ARHGEF12: variants seen among roughly 807,000 people sequenced by gnomAD.
The protein encoded by ARHGEF12 is Rho guanine nucleotide exchange factor 12, also known as KMT2A/ARHGEF12 fusion protein.
Under a neutral mutation model 211.2 loss-of-function variants are expected in ARHGEF12, and 66 were observed. The observed-to-expected ratio is 0.31, with a 90% confidence interval of 0.26 to 0.38. The LOEUF (loss-of-function observed/expected upper bound fraction) is 0.38, where lower values mean the gene tolerates loss of function less well. ARHGEF12 is among the 10% of genes least tolerant of loss of function. ARHGEF12 has a pLI of 1.00. For missense variants in ARHGEF12, 1,429 were observed against 1,869.5 expected (o/e 0.76, Z 4.34); for synonymous variants, 592 against 638.4 (o/e 0.93, Z 1.09).
chr11:120,381,445 C>A (rs958804737), intron 1 of ARHGEF12, among the ~76,000 whole-genome samples: 1 of 152,280 alleles, frequency 6.6e-6, no homozygotes, highest in African/African-American at 2.4e-5. Flanking sequence ...TACCCCATAC[C>A]CCATGAGTAC....
At chr11:120,475,235 TG>T (rs759093998) in intron 32 of ARHGEF12, 104 bp from the exon 33 acceptor site, 9 of 1,086,294 alleles carry the variant, frequency 8.3e-6, no homozygotes, top group Non-Finnish European at 1.2e-5. Flanking sequence ...TTTAAAATTT[TG>T]TAGCTTTAAC....
intron 1 of ARHGEF12, among the ~76,000 whole-genome samples, chr11:120,341,689 A>G (rs915413254): frequency 6.6e-6 from 1 of 152,212 alleles, no homozygotes; most frequent in African/African-American, 2.4e-5. Context: ...TGTTTCTTAT[A>G]TACTTGCTTG....
At chr11:120,445,358 G>T (rs1471029512) in intron 15 of ARHGEF12, 64 bp from the exon 16 acceptor site, 1 of 1,534,760 alleles carries the variant, frequency 6.5e-7, no homozygotes, top group Non-Finnish European at 9.0e-7. Context: ...CTTTACAGAA[G>T]TACTTATGTA....
chr11:120,354,680 GAGAGGT>G (rs1047100742), intron 1 of ARHGEF12, among the ~76,000 whole-genome samples: 4 of 152,242 alleles, frequency 2.6e-5, no homozygotes, highest in African/African-American at 9.6e-5. Flanking sequence ...AAATCTAGAA[GAGAGGT>G]AGGCAGATCA....
chr11:120,345,780 C>T (rs1356571378), intron 1 of ARHGEF12, among the ~76,000 whole-genome samples: 5 of 149,428 alleles, frequency 3.3e-5, no homozygotes, highest in South Asian at 2.1e-4. Context: ...TAGCCTTGGA[C>T]GTTAAAAAAA....
In ARHGEF12 at chr11:120,446,455, A is replaced by G. The variant is rs200508508; in HGVS notation, c.1398A>G (p.Gln466=). The change falls in exon 17 of 41, where the codon CAA becomes CAG. Residue 466 remains glutamine, a synonymous_variant. Transcript: ENST00000397843. ...AGGATCTGCATCGCCACTATATCCA[A>G]ACTATGCAAGAAAGAGTCCATCCAG... ...IPEDLHRHYI[Q]TMQERVHPEV... The G allele has an allele frequency of 9.3e-6, 15 of 1,613,378 alleles. No individual in the cohort carries two copies. The highest frequency in any genetic ancestry group is 1.1e-5 in the South Asian group (1 of 90,954).
At chr11:120,482,931 C>T (rs921988505) in intron 39 of ARHGEF12, among the ~76,000 whole-genome samples, 1 of 152,032 alleles carries the variant, frequency 6.6e-6, no homozygotes, top group South Asian at 2.1e-4. Context: ...CTTCATGTTA[C>T]TTATTTTATG....
At chr11:120,420,636 C>T (rs998925004) in intron 4 of ARHGEF12, 117 bp from the exon 5 acceptor site, 19 of 762,694 alleles carry the variant, frequency 2.5e-5, no homozygotes, top group Non-Finnish European at 4.0e-5. Flanking sequence ...TGTGGATTTA[C>T]ATGTGCTACT....
intron 1 of ARHGEF12, among the ~76,000 whole-genome samples, chr11:120,369,254 G>T (rs552356227): frequency 5.4e-5 from 8 of 149,468 alleles, no homozygotes; most frequent in Admixed American, 1.3e-4. Context: ...TCAGCCTCCC[G>T]AGTAGCTGGG....
At chr11:120,365,693 A>T (rs190944729) in intron 1 of ARHGEF12, 8 of 152,336 alleles carry the variant, frequency 5.3e-5, no homozygotes. Context: ...TGTTTCTGAC[A>T]TCTGTCACCC....
intron 1 of ARHGEF12, among the ~76,000 whole-genome samples, chr11:120,367,848 T>C (rs1943472196): frequency 6.6e-6 from 1 of 152,118 alleles, no homozygotes; most frequent in Non-Finnish European, 1.5e-5. Context: ...GGCACACACC[T>C]GTAGTTCCAG....
intron 1 of ARHGEF12, among the ~76,000 whole-genome samples, chr11:120,355,188 T>C (rs961643428): frequency 2.6e-5 from 4 of 152,226 alleles, no homozygotes; most frequent in African/African-American, 9.6e-5. Context: ...TGACAAACAT[T>C]TGCCCATGCT....
chr11:120,396,500 T>C (rs1301036722), intron 1 of ARHGEF12, among the ~76,000 whole-genome samples: 1 of 152,190 alleles, frequency 6.6e-6, no homozygotes, highest in Non-Finnish European at 1.5e-5. Flanking sequence ...TCATATATCC[T>C]CTGATGGGTG....
chr11:120,405,837 TAA>T (rs1944687605), intron 1 of ARHGEF12: 2 of 285,376 alleles, frequency 7.0e-6, no homozygotes, highest in Non-Finnish European at 6.4e-6. Flanking sequence ...AAGCCCTTTA[TAA>T]ATTTAGCAAT....
At position 120,474,544 on chromosome 11, in the gene ARHGEF12, T is replaced by G. The variant is rs200273628; in HGVS notation, c.3034-16T>G. On this transcript the variant is annotated splice_polypyrimidine_tract_variant and intron_variant, in intron 31 of 40. Coordinates refer to ENST00000397843, the MANE Select transcript of ARHGEF12 (RefSeq NM_015313.3). ...GCTTGGAAATTATTTGTGCATGATT[T>G]TCTTTATTTTGCCAGAATTTGGATT... 76 of 1,597,396 alleles carry G rather than the reference T, an allele frequency of 4.8e-5. No individual in the cohort carries two copies. The highest frequency in any genetic ancestry group is 6.8e-5 in the Admixed American group (4 of 58,562).
intron 1 of ARHGEF12, among the ~76,000 whole-genome samples, chr11:120,377,311 A>G (rs1377915733): frequency 6.6e-6 from 1 of 151,980 alleles, no homozygotes; most frequent in African/African-American, 2.4e-5. Flanking sequence ...GAAATCATGT[A>G]CAGTATGTAA....
At chr11:120,472,945 A>G (rs537983941) in intron 30 of ARHGEF12, 105 bp from the exon 31 acceptor site, 21 of 1,025,156 alleles carry the variant, frequency 2.0e-5, no homozygotes, top group Non-Finnish European at 3.0e-5. Flanking sequence ...GTGAGCCACC[A>G]CGCCTGGCCA....
intron 1 of ARHGEF12, among the ~76,000 whole-genome samples, chr11:120,361,129 GC>G (rs773091927): frequency 6.6e-6 from 1 of 152,164 alleles, no homozygotes; most frequent in Non-Finnish European, 1.5e-5. Context: ...TAAAAATTAA[GC>G]CCTTTTGTTC....
At position 120,424,538 on chromosome 11, in the gene ARHGEF12, C is replaced by T. The variant is rs923410919; in HGVS notation, c.406+123C>T. 2.5e-5 allele frequency: 16 copies of T among 648,054 alleles called. 1 individual carries two copies. The highest frequency in any genetic ancestry group is 1.3e-4 in the Admixed American group (5 of 38,492). 40.1% of individuals were successfully genotyped at this position (648,054 alleles called of 1,614,324 possible). A position where few individuals can be genotyped will look rare whatever the true frequency, so the allele number is the denominator to read the frequency against. On this transcript the variant is annotated intron_variant, in intron 7 of 40. Transcript: ENST00000397843. Reference sequence around the variant, plus strand: ...CTATGTGGACTATATAGTCTACTGCCGACTCTGTCATTGTATCATGAAAGC... The same window carrying T: ...CTATGTGGACTATATAGTCTACTGCTGACTCTGTCATTGTATCATGAAAGC...
Sources: allele counts gnomAD v4.1 joint callset (sites outside exome capture counted in the v4.1 genomes callset), GRCh38; gene constraint gnomAD v4.1.1; transcripts MANE v1.5; gene names NCBI Gene and HGNC (gene_info 2026-07-23, HGNC 2026-07-21).